STAG1: variants seen among roughly 807,000 people sequenced by gnomAD.
STAG1 encodes STAG1 cohesin complex component.
A neutral mutation model predicts 170.9 loss-of-function variants in STAG1; 26 were observed. The ratio of observed to expected loss-of-function variants is 0.15; its 90% CI spans 0.11 to 0.21. The LOEUF is 0.21. Ranked by LOEUF, STAG1 falls within the 10% of genes least tolerant of loss-of-function variation. STAG1 has a pLI of 1.00. For missense variants in STAG1, 964 were observed against 1,509.5 expected (o/e 0.64, Z 5.99); for synonymous variants, 514 against 497.7 (o/e 1.03, Z -0.44).
chr3:136,340,487 C>T lies in STAG1; in HGVS notation c.3672+4G>A. The T allele has an allele frequency of 6.3e-7, 1 of 1,576,462 alleles. No homozygotes were observed. Among genetic ancestry groups the T allele is most frequent in the Non-Finnish European group, 8.7e-7 (1 of 1,146,174 alleles). ...CAAAAGAAAAATATAGTGAATTTCT[C>T]TACCAGATCAATAACCATGGTGTCC... On this transcript the variant is annotated splice_donor_region_variant and intron_variant, in intron 32 of 33. Coordinates refer to ENST00000383202, the MANE Select transcript of STAG1 (RefSeq NM_005862.3).
At chr3:136,674,181 GGGAGGGAGGGAAGGAGGGAA>G (rs1942065551) in intron 1 of STAG1, among the ~76,000 whole-genome samples, 27 of 123,676 alleles carry the variant, frequency 2.2e-4, no homozygotes, top group African/African-American at 4.2e-4. Context: ...GAAGGAGGGA[GGGAGGGAGGGAAGGAGGGAA>G]GGAGGGAGGG....
chr3:136,464,378 G>A (rs2089387537), intron 13 of STAG1, among the ~76,000 whole-genome samples: 2 of 151,572 alleles, frequency 1.3e-5, no homozygotes, highest in African/African-American at 2.4e-5. Context: ...AGTCGAGACT[G>A]CACCATTGTA....
intron 1 of STAG1, among the ~76,000 whole-genome samples, chr3:136,647,391 G>A (rs536688495): frequency 6.6e-6 from 1 of 152,162 alleles, no homozygotes; most frequent in Non-Finnish European, 1.5e-5. Context: ...CTAACATGGA[G>A]AAACCCCGTC....
At chr3:136,473,921 CAA>C (rs2089683879) in intron 10 of STAG1, among the ~76,000 whole-genome samples, 1 of 152,044 alleles carries the variant, frequency 6.6e-6, no homozygotes, top group African/African-American at 2.4e-5. Flanking sequence ...TCCAGAGGCA[CAA>C]AGAGAGAATT....
At chr3:136,381,600 A>T (rs1467125330) in intron 22 of STAG1, among the ~76,000 whole-genome samples, 1 of 152,172 alleles carries the variant, frequency 6.6e-6, no homozygotes, top group Non-Finnish European at 1.5e-5. Flanking sequence ...TCTTTCAAAA[A>T]AGTATGATTA....
At chr3:136,376,091 G>A (rs1004365200) in intron 23 of STAG1, among the ~76,000 whole-genome samples, 1 of 116,242 alleles carries the variant, frequency 8.6e-6, no homozygotes, top group Non-Finnish European at 2.0e-5. Flanking sequence ...TTCTCCATAA[G>A]TAGTGTTCTG....
chr3:136,566,071 G>A (rs1937066091), intron 5 of STAG1, among the ~76,000 whole-genome samples: 1 of 152,126 alleles, frequency 6.6e-6, no homozygotes, highest in Admixed American at 6.6e-5. Context: ...TATTTTCCTG[G>A]GGAGATTTTT....
At chr3:136,372,187 C>T (rs370894061) in intron 23 of STAG1, among the ~76,000 whole-genome samples, 12 of 152,116 alleles carry the variant, frequency 7.9e-5, no homozygotes, top group African/African-American at 2.4e-5. Flanking sequence ...GTGATGTTTG[C>T]ACATTGATTT....
chr3:136,487,989 G>C (rs758640034), intron 9 of STAG1, among the ~76,000 whole-genome samples: 6 of 152,220 alleles, frequency 3.9e-5, no homozygotes, highest in Non-Finnish European at 7.3e-5. Flanking sequence ...TGTGGAAGCA[G>C]AACCTACAAC....
At chr3:136,370,755 T>C (rs559896410) in intron 23 of STAG1, among the ~76,000 whole-genome samples, 174 of 152,362 alleles carry the variant, frequency 1.1e-3, no homozygotes, top group Admixed American at 1.6e-3. Flanking sequence ...TAATCTGGTC[T>C]ATCATTGTTG....
intron 12 of STAG1, among the ~76,000 whole-genome samples, chr3:136,468,908 C>T (rs1200599338): frequency 5.9e-5 from 9 of 152,082 alleles, no homozygotes; most frequent in Non-Finnish European, 1.0e-4. Flanking sequence ...TCAATACATG[C>T]AGAAAAGGCC....
At chr3:136,439,502 AGT>A (rs1258008711) in intron 15 of STAG1, among the ~76,000 whole-genome samples, 1 of 151,088 alleles carries the variant, frequency 6.6e-6, no homozygotes, top group African/African-American at 2.4e-5. Context: ...AGTCTGTCAC[AGT>A]GTGTCTGCTT....
chr3:136,591,275 G>A (rs1263737269), intron 4 of STAG1, among the ~76,000 whole-genome samples: 5 of 143,372 alleles, frequency 3.5e-5, no homozygotes, highest in African/African-American at 1.3e-4. Flanking sequence ...AGGAGGGGAG[G>A]AGGGAAGGCG....
intron 5 of STAG1, among the ~76,000 whole-genome samples, chr3:136,545,514 A>T (rs1418447608): frequency 6.6e-6 from 1 of 152,234 alleles, no homozygotes; most frequent in East Asian, 1.9e-4. Flanking sequence ...AGAAGGATTC[A>T]CTAAACAAAT....
intron 5 of STAG1, among the ~76,000 whole-genome samples, chr3:136,559,926 C>T (rs1936773716): frequency 6.6e-6 from 1 of 152,054 alleles, no homozygotes; most frequent in East Asian, 1.9e-4. Flanking sequence ...CAATTTTTTT[C>T]AATTATGTAT....
At chr3:136,357,136 G>A (rs934801044) in intron 28 of STAG1, among the ~76,000 whole-genome samples, 2 of 151,892 alleles carry the variant, frequency 1.3e-5, no homozygotes, top group Non-Finnish European at 2.9e-5. Flanking sequence ...TTTTAGTAGA[G>A]ACGGGGTTTC....
chr3:136,358,863 C>T (rs1377359180), intron 27 of STAG1, among the ~76,000 whole-genome samples: 2 of 152,168 alleles, frequency 1.3e-5, no homozygotes, highest in African/African-American at 4.8e-5. Context: ...CGTGAACCAC[C>T]ACACCCAGCC....
chr3:136,453,926 G>T (rs539657698), intron 13 of STAG1, among the ~76,000 whole-genome samples: 24 of 151,712 alleles, frequency 1.6e-4, no homozygotes, highest in Non-Finnish European at 1.5e-5. Context: ...GAGGTTTTCT[G>T]GGGGGGCAGG....
At chr3:136,478,049 C>CA (rs941810522) in intron 9 of STAG1, among the ~76,000 whole-genome samples, 1 of 152,100 alleles carries the variant, frequency 6.6e-6, no homozygotes, top group African/African-American at 2.4e-5. Context: ...CTCGGCCTCC[C>CA]AAAGTGCTGG....
Sources: gnomAD v4.1 joint callset for allele counts (sites outside exome capture counted in the v4.1 genomes callset) on GRCh38, gnomAD v4.1.1 for gene constraint, MANE v1.5 for transcripts, NCBI Gene and HGNC (gene_info 2026-07-23, HGNC 2026-07-21) for gene names.